The following SCOC variants were observed in gnomAD, a reference collection of about 807,000 sequenced individuals.
SCOC encodes the protein short coiled-coil protein, also known as short coiled coil protein.
In SCOC, 7 loss-of-function variants were observed where a neutral mutation model predicts 9.9. That is an observed-to-expected ratio of 0.71 (90% CI 0.40 to 1.33). The LOEUF is 1.33. Among genes scored for constraint, SCOC ranks in the 40% most tolerant of loss-of-function variants. The probability of loss-of-function intolerance (pLI) is 0.01; values close to 1 mark genes in which losing one functional copy is unlikely to be tolerated. For missense variants in SCOC, 66 were observed against 89.7 expected, an observed-to-expected ratio of 0.74 and a Z score of 1.07; for synonymous variants, 19 against 28.2, an observed-to-expected ratio of 0.67 and a Z score of 1.03.
upstream of SCOC, among the ~76,000 whole-genome samples, chr4:140,372,832 G>A (rs1179270446): frequency 1.3e-5 from 2 of 152,292 alleles, no homozygotes; most frequent in East Asian, 3.9e-4. Context: ...GCAGGATGCC[G>A]CTTTGTGTCA....
intron 1 of SCOC, among the ~76,000 whole-genome samples, chr4:140,290,122 G>C (rs1487581287): frequency 6.6e-6 from 1 of 152,182 alleles, no homozygotes; most frequent in Non-Finnish European, 1.5e-5. Flanking sequence ...TTGCATTGCT[G>C]TATAGGAATG....
At chr4:140,373,370 C>A, upstream of SCOC, 1 of 1,446,744 alleles carries the variant, frequency 6.9e-7, no homozygotes, top group Non-Finnish European at 9.1e-7. Context: ...TGATGAGCCG[C>A]TTCACCAGCG....
At chr4:140,362,078 C>T (rs1223163328) in intron 2 of SCOC, among the ~76,000 whole-genome samples, 1 of 151,688 alleles carries the variant, frequency 6.6e-6, no homozygotes, top group African/African-American at 2.4e-5. Context: ...AGACACAGCC[C>T]CTATCCCTTA....
chr4:140,261,438 G>A (rs147473373), intron 1 of SCOC, among the ~76,000 whole-genome samples: 73 of 152,310 alleles, frequency 4.8e-4, no homozygotes, highest in African/African-American at 1.6e-3. Flanking sequence ...AGAGGATGTT[G>A]CTCCCTTCCC....
At chr4:140,373,482 C>T (rs889755200), upstream of SCOC, 4 of 1,550,598 alleles carry the variant, frequency 2.6e-6, no homozygotes, top group African/African-American at 2.7e-5. Context: ...TTTGTTATGG[C>T]AAAGGTGGAT....
rs1272036433 is a variant in SCOC, at chr4:140,381,200, A to G, written c.*96A>G. The stretch of plus-strand genomic sequence containing the variant: ...AAAGTTACAGTACCTTTGTGGCTTC[A>G]TTGAATATTTATGAAGATAATGTCA... On this transcript the variant is annotated 3_prime_UTR_variant, in exon 4 of 4. Transcript: ENST00000608372. 3.3e-6 allele frequency: 4 copies of G among 1,205,822 alleles called. No homozygotes were observed. The East Asian group carries it at 1.0e-4, about 31-fold the overall frequency. 74.7% of individuals were successfully genotyped at this position (1,205,822 alleles called of 1,614,324 possible). A position where few individuals can be genotyped will look rare whatever the true frequency, so the allele number is the denominator to read the frequency against.
intron 1 of SCOC, among the ~76,000 whole-genome samples, chr4:140,312,441 T>A (rs867695256): frequency 1.3e-5 from 2 of 152,186 alleles, no homozygotes; most frequent in African/African-American, 2.4e-5. Flanking sequence ...TTAATTAATT[T>A]ATTTTTGAGA....
intron 2 of SCOC, 77 bp from the exon 3 acceptor site, chr4:140,379,492 T>C: frequency 9.6e-7 from 1 of 1,047,006 alleles, no homozygotes; most frequent in South Asian, 1.4e-5. Flanking sequence ...ATAAAACATT[T>C]TGCAGATTTT....
At chr4:140,340,512 C>A (rs1363227471), upstream of SCOC, among the ~76,000 whole-genome samples, 1 of 151,190 alleles carries the variant, frequency 6.6e-6, no homozygotes, top group East Asian at 1.9e-4. Flanking sequence ...TTTTCTTCAA[C>A]AAATAAATTT....
chr4:140,315,381 G>T, intron 1 of SCOC, among the ~76,000 whole-genome samples: 1 of 152,064 alleles, frequency 6.6e-6, no homozygotes. Flanking sequence ...CTTTCAGATG[G>T]GTATAATCCT....
chr4:140,346,303 G>A (rs1470675110), intron 2 of SCOC, among the ~76,000 whole-genome samples: 4 of 152,250 alleles, frequency 2.6e-5, no homozygotes, highest in South Asian at 4.1e-4. Flanking sequence ...GAAAGACATC[G>A]GCTACTGGAT....
chr4:140,281,808 G>A (rs766427192), intron 1 of SCOC, among the ~76,000 whole-genome samples: 41 of 152,194 alleles, frequency 2.7e-4, no homozygotes, highest in Non-Finnish European at 4.6e-4. Context: ...AATCAGCAAC[G>A]GAAGAGCCTC....
intron 1 of SCOC, among the ~76,000 whole-genome samples, chr4:140,310,535 G>A (rs552248186): frequency 1.8e-4 from 27 of 152,322 alleles, no homozygotes; most frequent in African/African-American, 6.0e-4. Flanking sequence ...TAGGCATAGA[G>A]CATTTGACAT....
intron 1 of SCOC, among the ~76,000 whole-genome samples, chr4:140,311,963 G>A (rs940707684): frequency 2.6e-5 from 4 of 152,142 alleles, no homozygotes; most frequent in Non-Finnish European, 5.9e-5. Flanking sequence ...AAAGTATGCC[G>A]TACTTTAAAA....
At chr4:140,329,321 A>C (rs868852236) in intron 1 of SCOC, among the ~76,000 whole-genome samples, 87 of 152,336 alleles carry the variant, frequency 5.7e-4, no homozygotes, top group African/African-American at 2.0e-3. Context: ...AAAGACTTAA[A>C]TCTAAGACCT....
At chr4:140,289,503 A>G (rs973825246) in intron 1 of SCOC, among the ~76,000 whole-genome samples, 4 of 152,138 alleles carry the variant, frequency 2.6e-5, no homozygotes, top group African/African-American at 4.8e-5. Context: ...AAGACTGTGG[A>G]TCAGGGATAC....
In SCOC at chr4:140,363,214, G is replaced by C. The variant is rs1345009799; in HGVS notation, c.71-15907G>C. On this transcript the variant is annotated intron_variant, in intron 2 of 4. Coordinates refer to the SCOC transcript ENST00000338517. ...GAAGCTCATGATGAGCTGGGAGTAA[G>C]AGAGTCCTTAGACTCTGACCCAGAC... 4.6e-5 allele frequency among the ~76,000 whole-genome samples: 7 copies of C among 152,210 alleles called. No individual in the cohort carries two copies. The South Asian group carries it at 1.2e-3, about 27-fold the overall frequency.
At chr4:140,342,314 C>A (rs1560709818), upstream of SCOC, among the ~76,000 whole-genome samples, 1 of 152,170 alleles carries the variant, frequency 6.6e-6, no homozygotes, top group Non-Finnish European at 1.5e-5. Flanking sequence ...CTTCTCTAAG[C>A]CTTTCAGGGT....
rs1732506792 is a variant in SCOC at position 140,321,763 on chromosome 4, A to G, written c.-18-21858A>G. Among the ~76,000 whole-genome samples, 5 of 152,220 alleles carry G rather than the reference A, an allele frequency of 3.3e-5. No individual in the cohort carries two copies. In the South Asian group the frequency reaches 1.0e-3, roughly 31 times the overall value. ...AATGAGAAGAAAGAATGGGTAGAAG[A>G]AATGTTTAAGAAATAATTGCTGGCA... is the stretch of plus-strand genomic sequence containing the variant. On this transcript the variant is annotated intron_variant, in intron 1 of 4. Coordinates refer to the SCOC transcript ENST00000394205.
Sources: gnomAD v4.1 joint callset for allele counts (sites outside exome capture counted in the v4.1 genomes callset) on GRCh38, gnomAD v4.1.1 for gene constraint, MANE v1.5 for transcripts, NCBI Gene and HGNC (gene_info 2026-07-23, HGNC 2026-07-21) for gene names.